Variants in TBC1D19 observed in about 807,000 individuals in gnomAD.
The protein encoded by TBC1D19 is TBC1 domain family, member 19.
TBC1D19 carries 60 observed loss-of-function variants against 89.0 expected under a neutral mutation model. That is an observed-to-expected ratio of 0.67 (90% CI 0.55 to 0.84). TBC1D19 has a LOEUF of 0.84. TBC1D19 is among the 40% of genes least tolerant of loss of function. TBC1D19 has a pLI of 0.00. For synonymous variants in TBC1D19, 189 were observed against 199.7 expected, an observed-to-expected ratio of 0.95 and a Z score of 0.45; for missense variants, 500 against 610.8, an observed-to-expected ratio of 0.82 and a Z score of 1.91.
At chr4:26,590,495 T>G (rs1292617665) in intron 1 of TBC1D19, among the ~76,000 whole-genome samples, 1 of 152,178 alleles carries the variant, frequency 6.6e-6, no homozygotes, top group Non-Finnish European at 1.5e-5. Flanking sequence ...TTTTAAAATT[T>G]TATTTGCCAT....
At chr4:26,668,845 C>T (rs1439964393) in intron 9 of TBC1D19, among the ~76,000 whole-genome samples, 1 of 151,814 alleles carries the variant, frequency 6.6e-6, no homozygotes, top group Non-Finnish European at 1.5e-5. Flanking sequence ...GCACTTCTTA[C>T]TTATGAGCTT....
At chr4:26,772,256 T>C in the TBC1D19 span, among the ~76,000 whole-genome samples, 1 of 152,132 alleles carries the variant, frequency 6.6e-6, no homozygotes, top group Non-Finnish European at 1.5e-5. Flanking sequence ...ACAAAGGCTT[T>C]ACCTCGCAGG....
the TBC1D19 span, among the ~76,000 whole-genome samples, chr4:26,772,548 G>GC: frequency 6.6e-6 from 1 of 151,954 alleles, no homozygotes; most frequent in African/African-American, 2.4e-5. Flanking sequence ...GTGGTTTGCT[G>GC]CACAGATCAT....
chr4:26,790,298 T>G, the TBC1D19 span, among the ~76,000 whole-genome samples: 1 of 152,198 alleles, frequency 6.6e-6, no homozygotes, highest in Admixed American at 6.5e-5. Flanking sequence ...AAGAGGAGCC[T>G]TGGCCTCTCA....
the TBC1D19 span, among the ~76,000 whole-genome samples, chr4:26,781,052 C>T: frequency 6.6e-6 from 1 of 152,144 alleles, no homozygotes; most frequent in Non-Finnish European, 1.5e-5. Context: ...CTTGCTCTCA[C>T]TTACTATTTT....
chr4:26,785,941 GA>G, the TBC1D19 span, among the ~76,000 whole-genome samples: 1 of 152,120 alleles, frequency 6.6e-6, no homozygotes, highest in Admixed American at 6.5e-5. Context: ...AGGCAGAATG[GA>G]AAGAAAAAGA....
At chr4:26,691,987 T>C (rs775158088) in intron 13 of TBC1D19, among the ~76,000 whole-genome samples, 8 of 152,156 alleles carry the variant, frequency 5.3e-5, no homozygotes, top group Non-Finnish European at 1.0e-4. Context: ...CTGGTAATTA[T>C]CCTAAGGTTA....
chr4:26,616,904 A>G (rs1741733349), intron 3 of TBC1D19, among the ~76,000 whole-genome samples: 1 of 152,200 alleles, frequency 6.6e-6, no homozygotes, highest in Admixed American at 6.5e-5. Context: ...CAGTGATTGA[A>G]TGCTTATTTT....
At chr4:26,787,609 A>G in the TBC1D19 span, among the ~76,000 whole-genome samples, 887 of 152,266 alleles carry the variant, frequency 5.8e-3, 6 homozygotes, top group Non-Finnish European at 9.2e-3. Flanking sequence ...CAGAGCCACA[A>G]GTTTGTGGGG....
chr4:26,709,598 C>T (rs1377461287), intron 13 of TBC1D19, among the ~76,000 whole-genome samples: 1 of 151,964 alleles, frequency 6.6e-6, no homozygotes, highest in Non-Finnish European at 1.5e-5. Context: ...GTTCCTGGGA[C>T]TCATGCATTC....
At chr4:26,597,333 AGTGAGGCTCTTGCCTTAAAG>A (rs1055775244) in intron 1 of TBC1D19, among the ~76,000 whole-genome samples, 1 of 152,116 alleles carries the variant, frequency 6.6e-6, no homozygotes, top group African/African-American at 2.4e-5. Context: ...CTTTATCTCT[AGTGAGGCTCTTGCCTTAAAG>A]TCCATTTTGT....
At chr4:26,713,046 C>T (rs184262190) in intron 13 of TBC1D19, among the ~76,000 whole-genome samples, 1 of 152,078 alleles carries the variant, frequency 6.6e-6, no homozygotes, top group Non-Finnish European at 1.5e-5. Context: ...GAAAGTTTGG[C>T]AGGAGAAGAG....
upstream of TBC1D19, chr4:26,584,074 G>T: frequency 1.0e-6 from 1 of 959,012 alleles, no homozygotes; most frequent in Non-Finnish European, 1.6e-6. Flanking sequence ...ACGCCCGCTG[G>T]AGGAGTCCCA....
the TBC1D19 span, among the ~76,000 whole-genome samples, chr4:26,785,634 A>G: frequency 5.3e-5 from 8 of 152,204 alleles, no homozygotes; most frequent in Non-Finnish European, 5.9e-5. Context: ...AAAAGAACTC[A>G]ATCTGGATGG....
chr4:26,672,151 C>T lies in TBC1D19; in HGVS notation c.667C>T (p.Leu223Phe). The change falls in exon 10 of 21, where the codon CTT (leucine) becomes TTT (phenylalanine). Residue 223 changes from leucine (L) to phenylalanine (F), a missense_variant and splice_region_variant. Around this residue, in one of 2 missense-constraint regions of TBC1D19, gnomAD observed 280 missense variants for 291.7 expected, o/e 0.96. Coordinates refer to ENST00000264866, the MANE Select transcript of TBC1D19 (RefSeq NM_018317.4). ...IDDSTQVPPE[L>F]FENEHVRIGQ... ...TTTAATTTTTTTTTAATTTTTAGAA[C>T]TTTTTGAAAATGAACATGTACGTAT... 2 of 1,197,960 alleles carry T rather than the reference C, an allele frequency of 1.7e-6. No individual in the cohort carries two copies. Among genetic ancestry groups the T allele is most frequent in the Non-Finnish European group, 2.2e-6 (2 of 897,672 alleles). The allele number at this position is 1,197,960 out of a possible 1,614,324, so 74.2% of individuals were successfully genotyped here.
chr4:26,823,778 G>A, the TBC1D19 span, among the ~76,000 whole-genome samples: 1 of 152,186 alleles, frequency 6.6e-6, no homozygotes, highest in Admixed American at 6.5e-5. Context: ...GTGATTTAAG[G>A]TTGCTAACAC....
intron 4 of TBC1D19, among the ~76,000 whole-genome samples, chr4:26,627,659 CA>C (rs1742516175): frequency 6.6e-6 from 1 of 151,830 alleles, no homozygotes; most frequent in Admixed American, 6.6e-5. Flanking sequence ...AGCATTTTTT[CA>C]TGTGTTTTTT....
the TBC1D19 span, among the ~76,000 whole-genome samples, chr4:26,843,630 T>A: frequency 6.6e-6 from 1 of 151,884 alleles, no homozygotes; most frequent in Non-Finnish European, 1.5e-5. Context: ...AAAAACAGAA[T>A]CATATAATCT....
At chr4:26,819,578 A>C in the TBC1D19 span, among the ~76,000 whole-genome samples, 1 of 152,224 alleles carries the variant, frequency 6.6e-6, no homozygotes, top group Non-Finnish European at 1.5e-5. Context: ...TCATGGCAAA[A>C]GCTATGGCTT....
Sources: gnomAD v4.1 joint callset for allele counts (sites outside exome capture counted in the v4.1 genomes callset) on GRCh38, gnomAD v4.1.1 for gene constraint, gnomAD v4.1.1 regional missense constraint, MANE v1.5 for transcripts, NCBI Gene and HGNC (gene_info 2026-07-23, HGNC 2026-07-21) for gene names.